Variants in EIF4G3 observed in about 807,000 individuals in gnomAD.
EIF4G3 encodes eIF-4-gamma 3.
EIF4G3 carries 34 observed loss-of-function variants against 186.4 expected under a neutral mutation model. The observed-to-expected ratio is 0.18, with a 90% CI of 0.14 to 0.24. The LOEUF is 0.24. Among genes scored for constraint, EIF4G3 ranks in the 10% least tolerant of loss-of-function variants. The pLI is 1.00. For missense variants in EIF4G3, 1,536 were observed against 1,948.5 expected, an observed-to-expected ratio of 0.79 and a Z score of 3.99; for synonymous variants, 673 against 679.5, an observed-to-expected ratio of 0.99 and a Z score of 0.15.
intron 2 of EIF4G3, among the ~76,000 whole-genome samples, chr1:21,159,474 C>T (rs1026799386): frequency 5.3e-5 from 8 of 150,790 alleles, no homozygotes; most frequent in Admixed American, 4.6e-4. Context: ...CGGTGGCTCA[C>T]GCCTGTAATC....
At chr1:21,077,978 A>G (rs1164727609) in intron 3 of EIF4G3, among the ~76,000 whole-genome samples, 1 of 152,146 alleles carries the variant, frequency 6.6e-6, no homozygotes, top group East Asian at 1.9e-4. Context: ...TAAGGCCACT[A>G]AGGAGAACAG....
At chr1:21,023,069 G>A (rs1417087777) in intron 4 of EIF4G3, among the ~76,000 whole-genome samples, 1 of 152,122 alleles carries the variant, frequency 6.6e-6, no homozygotes, top group Non-Finnish European at 1.5e-5. Flanking sequence ...TTCAGATGTA[G>A]CAATCTAACA....
At chr1:20,991,308 CT>C (rs1254399129) in intron 7 of EIF4G3, among the ~76,000 whole-genome samples, 2 of 152,196 alleles carry the variant, frequency 1.3e-5, no homozygotes, top group African/African-American at 4.8e-5. Flanking sequence ...TGGCTCACGC[CT>C]TTAAACCCAG....
At chr1:21,171,487 G>A (rs1050353054) in intron 2 of EIF4G3, among the ~76,000 whole-genome samples, 3 of 152,148 alleles carry the variant, frequency 2.0e-5, no homozygotes, top group Non-Finnish European at 4.4e-5. Flanking sequence ...CTCTGTGGCT[G>A]AATCTAACAT....
At chr1:20,973,332 C>T (rs1373934379) in intron 10 of EIF4G3, among the ~76,000 whole-genome samples, 1 of 151,732 alleles carries the variant, frequency 6.6e-6, no homozygotes, top group African/African-American at 2.4e-5. Context: ...ATGAAAACCA[C>T]TAAATACTCG....
chr1:21,057,219 C>T (rs2094600038), intron 3 of EIF4G3, among the ~76,000 whole-genome samples: 1 of 152,078 alleles, frequency 6.6e-6, no homozygotes, highest in Admixed American at 6.6e-5. Flanking sequence ...CAAAAATGTT[C>T]ATAGTTGTAT....
At chr1:20,960,127 T>G (rs533969904) in intron 12 of EIF4G3, among the ~76,000 whole-genome samples, 2 of 152,320 alleles carry the variant, frequency 1.3e-5, no homozygotes, top group Admixed American at 1.3e-4. Context: ...ATTGCAAAGA[T>G]GTGGAACTAA....
intron 3 of EIF4G3, chr1:21,073,863 G>T (rs1180041348): frequency 3.7e-6 from 1 of 272,052 alleles, no homozygotes; most frequent in Non-Finnish European, 7.5e-6. Context: ...CTGGAGTGCA[G>T]TGGTGTGATA....
intron 22 of EIF4G3, 121 bp from the exon 23 acceptor site, chr1:20,862,453 T>C: frequency 3.3e-6 from 2 of 608,284 alleles, no homozygotes; most frequent in Non-Finnish European, 2.7e-6. Context: ...TTTCACTCCG[T>C]TGCCCAGGCT....
chr1:21,060,808 A>T (rs528777600), intron 3 of EIF4G3, among the ~76,000 whole-genome samples: 68 of 151,172 alleles, frequency 4.5e-4, no homozygotes, highest in Non-Finnish European at 7.4e-4. Context: ...AAAAAAACAA[A>T]GCTACTGCAA....
Position 21,176,846 on chromosome 1 carries a change from A to G in EIF4G3, c.-580T>C. The G allele has an allele frequency of 4.3e-6, 3 of 701,458 alleles. No homozygotes were observed. The highest frequency in any genetic ancestry group is 7.8e-6 in the Non-Finnish European group (3 of 384,024). The allele number at this position is 701,458 out of a possible 1,614,324, so 43.5% of individuals were successfully genotyped here. A position where few individuals can be genotyped will look rare whatever the true frequency, so the allele number is the denominator to read the frequency against. ...GGTGGATTTTCTTCACTCAACGAGC[A>G]GAGCATCCAACATGGCGCTGTGGCC... On this transcript the variant is annotated 5_prime_UTR_variant, in exon 1 of 37. Coordinates refer to ENST00000602326, the MANE Select transcript of EIF4G3 (RefSeq NM_001391906.1).
rs759787647 is a variant in EIF4G3 at position 20,950,050 on chromosome 1, T to G, written c.776A>C (p.His259Pro). 1.2e-6 allele frequency: 2 copies of G among 1,613,624 alleles called. No individual in the cohort carries two copies. The highest frequency in any genetic ancestry group is 1.7e-6 in the Non-Finnish European group (2 of 1,179,736). Residue 259 changes from histidine (H) to proline (P), a missense_variant, in exon 13 of 37, where the codon CAT becomes CCT. Transcript: ENST00000602326. ...PVVYGTVESA[H>P]LAASTPVTAA... ...AGTGACAGGGGTGCTGGCAGCAAGA[T>G]GAGCGCTCTCCACAGTCCCATAAAC...
chr1:20,986,609 C>T (rs181707769), intron 7 of EIF4G3, among the ~76,000 whole-genome samples: 7 of 151,806 alleles, frequency 4.6e-5, no homozygotes, highest in Admixed American at 6.6e-5. Flanking sequence ...ATTAGCTGGG[C>T]GTGGTGGCAT....
At chr1:20,969,397 T>C (rs1056000754) in intron 12 of EIF4G3, 77 bp downstream of exon 12, 74 of 1,524,668 alleles carry the variant, frequency 4.9e-5, no homozygotes, top group Middle Eastern at 3.6e-4. Flanking sequence ...GTACAGAAAG[T>C]GGCTATAGAA....
chr1:21,153,445 A>C (rs1049529751), intron 2 of EIF4G3, among the ~76,000 whole-genome samples: 4 of 152,150 alleles, frequency 2.6e-5, no homozygotes, highest in African/African-American at 7.2e-5. Flanking sequence ...GCATTCTAAG[A>C]TTCTGGTTCT....
intron 4 of EIF4G3, among the ~76,000 whole-genome samples, chr1:21,029,050 A>G (rs6669102): frequency 0.37 from 56,241 of 151,856 alleles, 11,041 homozygotes; most frequent in Non-Finnish European, 0.43. Context: ...GCCTGGCCCA[A>G]ACAAAGTCTC....
chr1:21,170,263 C>T (rs1326181694), intron 2 of EIF4G3, among the ~76,000 whole-genome samples: 1 of 152,122 alleles, frequency 6.6e-6, no homozygotes, highest in Non-Finnish European at 1.5e-5. Context: ...ATTCTAGGTG[C>T]TAGCAATTCC....
chr1:20,983,246 G>T (rs984015809), intron 7 of EIF4G3, among the ~76,000 whole-genome samples: 4 of 152,154 alleles, frequency 2.6e-5, no homozygotes, highest in Non-Finnish European at 5.9e-5. Flanking sequence ...AGGTATAGCA[G>T]GAGAACGGAA....
chr1:20,948,852 T>C (rs2096079321), intron 13 of EIF4G3, among the ~76,000 whole-genome samples: 1 of 147,678 alleles, frequency 6.8e-6, no homozygotes, highest in Non-Finnish European at 1.5e-5. Flanking sequence ...ATACTAAAAA[T>C]ACAAAAATTA....
Sources: gnomAD v4.1 joint callset for allele counts (sites outside exome capture counted in the v4.1 genomes callset) on GRCh38, gnomAD v4.1.1 for gene constraint, MANE v1.5 for transcripts, NCBI Gene and HGNC (gene_info 2026-07-23, HGNC 2026-07-21) for gene names.